Variants in POC1B observed in about 807,000 individuals in gnomAD.
POC1B encodes the protein POC1 centriolar protein B.
POC1B carries 44 observed loss-of-function variants against 60.6 expected under a neutral mutation model. The ratio of observed to expected loss-of-function variants is 0.73; its 90% confidence interval spans 0.57 to 0.93. The LOEUF (loss-of-function observed/expected upper bound fraction) is 0.93, where lower values mean the gene tolerates loss of function less well. Ranked by LOEUF, POC1B falls within the 40% of genes least tolerant of loss-of-function variation. The probability of loss-of-function intolerance (pLI) is 0.00; values close to 1 mark genes in which losing one functional copy is unlikely to be tolerated. For synonymous variants in POC1B, 180 were observed against 198.9 expected (o/e 0.90, Z 0.80); for missense variants, 555 against 572.3 (o/e 0.97, Z 0.31).
chr12:89,457,276 C>G lies in POC1B; in HGVS notation c.1113+2362G>C, dbSNP rs1333973094. ...AGAAACTGTCAGTGTAGGGAGGAGA[C>G]TATAATTAAGGCTTATTTACCACTA... is the stretch of plus-strand genomic sequence containing the variant. On this transcript the variant is annotated intron_variant, in intron 10 of 11. Coordinates refer to ENST00000313546, the MANE Select transcript of POC1B (RefSeq NM_172240.3). 2.0e-5 allele frequency among the ~76,000 whole-genome samples: 3 copies of G among 151,864 alleles called. No homozygotes were observed. In the East Asian group the frequency reaches 5.8e-4, roughly 29 times the overall value.
In POC1B at chr12:89,432,285, C is replaced by G. The variant is rs543292605; in HGVS notation, c.1114-6906G>C. 1.3e-3 allele frequency among the ~76,000 whole-genome samples: 195 copies of G among 144,632 alleles called. 1 individual carries two copies. Among genetic ancestry groups the G allele is most frequent in the African/African-American group, 4.6e-3 (181 of 39,114 alleles). The allele number at this position is 144,632 out of a possible 152,430, so 94.9% of individuals were successfully genotyped here. On this transcript the variant is annotated intron_variant, in intron 10 of 11. Coordinates refer to ENST00000313546, the MANE Select transcript of POC1B (RefSeq NM_172240.3). ...CCCGTAGTCCCAGCTACTCAGGAGG[C>G]TGAGGCAGGACAATCACTTGAACCT...
intron 10 of POC1B, among the ~76,000 whole-genome samples, chr12:89,457,906 G>C (rs896549464): frequency 6.6e-6 from 1 of 152,062 alleles, no homozygotes. Flanking sequence ...TATTATAGAT[G>C]TATACTACAA....
chr12:89,525,426 G>C, intron 1 of POC1B: 1 of 1,379,974 alleles, frequency 7.2e-7, no homozygotes, highest in Non-Finnish European at 9.3e-7. Flanking sequence ...CCCGCAAAAC[G>C]CTCTGTTCGC....
At chr12:89,477,401 G>C (rs757267509) in intron 4 of POC1B, among the ~76,000 whole-genome samples, 3 of 152,012 alleles carry the variant, frequency 2.0e-5, no homozygotes, top group Non-Finnish European at 4.4e-5. Context: ...TATGTGCCCA[G>C]AATTCCTTCC....
At chr12:89,524,305 T>A (rs988758218) in intron 2 of POC1B, 1 of 1,613,914 alleles carries the variant, frequency 6.2e-7, no homozygotes, top group African/African-American at 1.3e-5. Context: ...GAGCTGGAGT[T>A]TGCTGGCTTT....
chr12:89,413,122 T>A, the POC1B span, among the ~76,000 whole-genome samples: 1 of 152,132 alleles, frequency 6.6e-6, no homozygotes, highest in Non-Finnish European at 1.5e-5. Context: ...TGTTCTCAAA[T>A]TCCTTATCTC....
chr12:89,524,663 C>A, intron 2 of POC1B: 3 of 1,132,166 alleles, frequency 2.6e-6, no homozygotes, highest in Non-Finnish European at 3.8e-6. Context: ...TCCTTTCATG[C>A]AGGCGCTAGG....
chr12:89,501,509 G>C (rs886197625), intron 2 of POC1B: 34 of 998,344 alleles, frequency 3.4e-5, no homozygotes, highest in Non-Finnish European at 4.8e-5. Flanking sequence ...GAAGAGATGG[G>C]AAATGATTGT....
chr12:89,514,624 T>C (rs981044693), intron 2 of POC1B, among the ~76,000 whole-genome samples: 1 of 152,022 alleles, frequency 6.6e-6, no homozygotes, highest in African/African-American at 2.4e-5. Context: ...GCCAGGCTAG[T>C]CTCAAACTCC....
rs1880709462 is a variant in POC1B, at chr12:89,425,191, A to G, written c.1302T>C (p.His434=). 1 of 1,614,140 alleles carries G rather than the reference A, an allele frequency of 6.2e-7. No homozygotes were observed. The highest frequency in any genetic ancestry group is 2.2e-5 in the East Asian group (1 of 44,876). ...TCAAAACATTGAGTTGTTCCATAATATGCTCTAAAGCATCAGTCACAGCGA... is the reference window on the plus strand; with the variant it reads ...TCAAAACATTGAGTTGTTCCATAATGTGCTCTAAAGCATCAGTCACAGCGA... ...IPLAVTDALE[H]IMEQLNVLTQ... Residue 434 remains histidine (H), a synonymous_variant, in exon 11 of 12, where the codon CAT becomes CAC. Transcript: ENST00000313546.
rs538053270 is a variant in POC1B, at chr12:89,489,817, CAT to C, written c.452+2117_452+2118del. ...GTGTCCCCTATCCCCATGCCTAGAACATATGTTTGTATGACCCCTCCTTCTTA... is the reference window on the plus strand; with the variant it reads ...GTGTCCCCTATCCCCATGCCTAGAACATGTTTGTATGACCCCTCCTTCTTA... On this transcript the variant is annotated intron_variant, in intron 4 of 11. Coordinates refer to ENST00000313546, the MANE Select transcript of POC1B (RefSeq NM_172240.3). Among the ~76,000 whole-genome samples, 34 of 152,334 alleles carry C rather than the reference CAT, an allele frequency of 2.2e-4. No individual in the cohort carries two copies. In the East Asian group the frequency reaches 6.0e-3, roughly 27 times the overall value.
chr12:89,468,740 T>C (rs1225576020), intron 7 of POC1B, among the ~76,000 whole-genome samples: 1 of 152,188 alleles, frequency 6.6e-6, no homozygotes, highest in Non-Finnish European at 1.5e-5. Flanking sequence ...TTATTTCTGC[T>C]TTACCCTAAC....
intron 2 of POC1B, chr12:89,501,665 G>A (rs545101354): frequency 4.9e-5 from 55 of 1,117,348 alleles, no homozygotes; most frequent in African/African-American, 1.5e-4. Flanking sequence ...ACGAGAAGTC[G>A]AAGAATTTCC....
At chr12:89,434,999 C>A (rs1391037606) in intron 10 of POC1B, among the ~76,000 whole-genome samples, 1 of 151,928 alleles carries the variant, frequency 6.6e-6, no homozygotes, top group Non-Finnish European at 1.5e-5. Context: ...TTTTAAAAAT[C>A]TAGTTCCATT....
At position 89,467,682 on chromosome 12, in the gene POC1B, G is replaced by A. The variant is rs757133298; in HGVS notation, c.814C>T (p.Pro272Ser). Reference protein sequence around the residue: ...LIYTLQGHTGPVFTVSFSKGG... With the variant: ...LIYTLQGHTGSVFTVSFSKGG... ...TTTGAAAATGAAACAGTAAAGACAG[G>A]TCCCTGAGAAATAAAGGGAAATAAA... The change falls in exon 8 of 12, where the codon CCT (proline) becomes TCT (serine). Residue 272 changes from proline to serine, a missense_variant. Coordinates refer to ENST00000313546, the MANE Select transcript of POC1B (RefSeq NM_172240.3). The A allele has an allele frequency of 1.8e-5, 29 of 1,609,424 alleles. No homozygotes were observed. In the South Asian group the frequency reaches 3.1e-4, roughly 17 times the overall value.
intron 2 of POC1B, chr12:89,502,590 T>C: frequency 3.2e-6 from 4 of 1,240,318 alleles, no homozygotes; most frequent in South Asian, 1.3e-5. Flanking sequence ...CCAGCAATGG[T>C]AAAGGACCCA....
At chr12:89,428,997 C>G (rs1195703507) in intron 10 of POC1B, 1 of 152,102 alleles carries the variant, frequency 6.6e-6, no homozygotes, top group Non-Finnish European at 1.5e-5. Context: ...ATTGTAATAA[C>G]AGCTTCAGAC....
At chr12:89,465,248 G>C (rs1197603235) in intron 9 of POC1B, among the ~76,000 whole-genome samples, 2 of 152,148 alleles carry the variant, frequency 1.3e-5, no homozygotes, top group Non-Finnish European at 2.9e-5. Context: ...TTTAAAGAAA[G>C]CCTAGCACTC....
At chr12:89,419,271 G>C (rs191919225), downstream of POC1B, among the ~76,000 whole-genome samples, 8 of 152,056 alleles carry the variant, frequency 5.3e-5, no homozygotes, top group East Asian at 1.2e-3. Context: ...AGTTAGGAAA[G>C]GGATGGGCTG....
Sources: allele counts gnomAD v4.1 joint callset (sites outside exome capture counted in the v4.1 genomes callset), GRCh38; gene constraint gnomAD v4.1.1; transcripts MANE v1.5; gene names NCBI Gene and HGNC (gene_info 2026-07-23, HGNC 2026-07-21).